The following EFHB variants were observed in gnomAD, a reference collection of about 807,000 sequenced individuals.
The protein encoded by EFHB is EF-hand domain-containing family member B.
EFHB carries 91 observed loss-of-function variants against 87.2 expected under a neutral mutation model. That is an observed-to-expected ratio of 1.04 (90% CI 0.88 to 1.24). EFHB has a LOEUF of 1.24. Among genes scored for constraint, EFHB ranks in the 50% most tolerant of loss-of-function variants. The pLI is 0.00. For missense variants in EFHB, 1,084 were observed against 998.8 expected (o/e 1.09, Z -1.15); for synonymous variants, 325 against 333.6 (o/e 0.97, Z 0.28).
chr3:19,913,463 A>G (rs905208734), intron 5 of EFHB, among the ~76,000 whole-genome samples: 1 of 152,222 alleles, frequency 6.6e-6, no homozygotes, highest in African/African-American at 2.4e-5. Context: ...ATAGCCACAC[A>G]TAAAATTAAA....
rs1694495654 is a variant in EFHB, at chr3:19,896,681, A to T, written c.1725+6T>A. 6.2e-7 allele frequency: 1 copy of T among 1,613,966 alleles called. No homozygotes were observed. Among genetic ancestry groups the T allele is most frequent in the Non-Finnish European group, 8.5e-7 (1 of 1,179,870 alleles). On this transcript the variant is annotated splice_donor_region_variant and intron_variant, in intron 9 of 12. Coordinates refer to ENST00000295824, the MANE Select transcript of EFHB (RefSeq NM_144715.4). ...CATTACCAAAAAGCTCTCCCCCATT[A>T]CTGGCCTTGTCATAGTGCCTGAAGG...
At position 19,896,812 on chromosome 3, in the gene EFHB, G is replaced by A. The variant is rs139189036; in HGVS notation, c.1600C>T (p.Pro534Ser). 452 of 1,613,724 alleles carry A rather than the reference G, an allele frequency of 2.8e-4. 2 individuals are homozygous for A. The highest frequency in any genetic ancestry group is 3.7e-4 in the Admixed American group (22 of 59,980). ...TCCTTGCCTCGAAGATATTCATCCG[G>A]AAGTCTATTATGGATGAGATCACCA... ...GVGDLIHNRL[P>S]DEYLRGKDRQ... The change falls in exon 9 of 13, where the codon CCG becomes TCG. Residue 534 changes from proline (P) to serine (S), a missense_variant. Coordinates refer to ENST00000295824, the MANE Select transcript of EFHB (RefSeq NM_144715.4).
At chr3:19,906,409 TA>T (rs763817641) in intron 5 of EFHB, among the ~76,000 whole-genome samples, 8 of 152,000 alleles carry the variant, frequency 5.3e-5, no homozygotes, top group African/African-American at 1.2e-4. Context: ...GGCATTTCTA[TA>T]AAAAATAACA....
chr3:19,910,454 C>T (rs947204427), intron 5 of EFHB, among the ~76,000 whole-genome samples: 19 of 152,038 alleles, frequency 1.2e-4, no homozygotes, highest in African/African-American at 4.1e-4. Flanking sequence ...ACCTGGTAGA[C>T]GTCTAAAATT....
intron 9 of EFHB, among the ~76,000 whole-genome samples, chr3:19,895,687 A>G (rs1310005752): frequency 1.3e-5 from 2 of 152,200 alleles, no homozygotes; most frequent in African/African-American, 2.4e-5. Flanking sequence ...AAAGGTGTGC[A>G]TAATCAATAC....
Position 19,888,511 on chromosome 3 carries a change from G to T in EFHB, c.1866C>A (p.Phe622Leu). 4 of 1,577,258 alleles carry T rather than the reference G, an allele frequency of 2.5e-6. No individual in the cohort carries two copies. The highest frequency in any genetic ancestry group is 3.4e-6 in the Non-Finnish European group (4 of 1,159,538). ...DNDGFINYLE[F>L]ANFLNWKDKM... is the part of the protein sequence containing the mutation. Reference sequence around the variant, plus strand: ...TGTCTTTCCAGTTAAGAAAATTTGCGAATTCCAGATAGTTAATGAAGCCAT... The same window carrying T: ...TGTCTTTCCAGTTAAGAAAATTTGCTAATTCCAGATAGTTAATGAAGCCAT... The change falls in exon 10 of 13, where the codon TTC (phenylalanine) becomes TTA (leucine). Residue 622 changes from phenylalanine to leucine, a missense_variant. Coordinates refer to ENST00000295824, the MANE Select transcript of EFHB (RefSeq NM_144715.4).
intron 1 of EFHB, among the ~76,000 whole-genome samples, chr3:19,929,995 C>T (rs1170075359): frequency 6.6e-6 from 1 of 152,130 alleles, no homozygotes; most frequent in Non-Finnish European, 1.5e-5. Context: ...GCTTCCATTT[C>T]TTTACCTGTA....
upstream of EFHB, chr3:19,936,456 C>T (rs1399426777): frequency 7.0e-6 from 3 of 426,598 alleles, no homozygotes; most frequent in Non-Finnish European, 8.3e-6. Flanking sequence ...CCTAGCTACT[C>T]AGGAGGCTGA....
chr3:19,942,760 A>G (rs1333585704), intron 1 of EFHB, among the ~76,000 whole-genome samples: 1 of 152,118 alleles, frequency 6.6e-6, no homozygotes, highest in Non-Finnish European at 1.5e-5. Flanking sequence ...GCAATTCACA[A>G]TAGAGTTCAC....
intron 5 of EFHB, among the ~76,000 whole-genome samples, chr3:19,912,443 C>T (rs1164582619): frequency 6.6e-6 from 1 of 151,900 alleles, no homozygotes; most frequent in Non-Finnish European, 1.5e-5. Flanking sequence ...ACCTGTCCTA[C>T]AAGAAATGCT....
At chr3:19,941,996 A>T (rs1215781096) in intron 1 of EFHB, among the ~76,000 whole-genome samples, 2 of 151,908 alleles carry the variant, frequency 1.3e-5, no homozygotes, top group Admixed American at 1.3e-4. Context: ...CTCTACTAAA[A>T]ATACAAAAAA....
chr3:19,900,193 CA>C lies in EFHB; in HGVS notation c.1419-679del, dbSNP rs368288256. ...CTTTAGGAAGCTAAAGCTGGAGGATCAATCGAGGCTAGGAATTTGAGACGAG... is the reference window on the plus strand; with the variant it reads ...CTTTAGGAAGCTAAAGCTGGAGGATCATCGAGGCTAGGAATTTGAGACGAG... On this transcript the variant is annotated intron_variant, in intron 6 of 12. Transcript: ENST00000295824. Among the ~76,000 whole-genome samples the C allele has an allele frequency of 3.4e-3, 516 of 152,212 alleles. 4 individuals are homozygous for C. Among genetic ancestry groups the C allele is most frequent in the African/African-American group, 0.012 (486 of 41,530 alleles).
upstream of EFHB, chr3:19,934,255 G>A (rs1349320802): frequency 6.4e-6 from 9 of 1,417,276 alleles, no homozygotes; most frequent in Non-Finnish European, 8.2e-6. Flanking sequence ...GCGGGGCTTG[G>A]CGCTCAAGTC....
intron 1 of EFHB, chr3:19,942,091 G>C (rs1481844352): frequency 6.6e-6 from 1 of 152,212 alleles, no homozygotes; most frequent in East Asian, 1.9e-4. Context: ...CTGGGAGGCA[G>C]AGATTGCAGT....
At chr3:19,938,111 C>T (rs1696064147), upstream of EFHB, among the ~76,000 whole-genome samples, 1 of 152,166 alleles carries the variant, frequency 6.6e-6, no homozygotes, top group African/African-American at 2.4e-5. Context: ...GAGAGGGAGC[C>T]ACCTAGGTTC....
At chr3:19,911,085 C>T (rs1454569018) in intron 5 of EFHB, among the ~76,000 whole-genome samples, 1 of 152,098 alleles carries the variant, frequency 6.6e-6, no homozygotes, top group Non-Finnish European at 1.5e-5. Context: ...AAAATATGAC[C>T]TCACTAAATA....
At chr3:19,917,024 C>T (rs914428895) in intron 4 of EFHB, among the ~76,000 whole-genome samples, 1 of 151,918 alleles carries the variant, frequency 6.6e-6, no homozygotes, top group African/African-American at 2.4e-5. Context: ...ATAAACTAAT[C>T]CTAAAATAAT....
intron 12 of EFHB, among the ~76,000 whole-genome samples, chr3:19,882,016 A>AAAATAAATAAAT (rs368695761): frequency 1.1e-4 from 15 of 141,680 alleles, no homozygotes; most frequent in Admixed American, 2.1e-4. Context: ...TTCTGAGTCA[A>AAAATAAATAAAT]AAATAAATAA....
chr3:19,902,661 C>T (rs1365347887), intron 6 of EFHB, among the ~76,000 whole-genome samples: 4 of 151,862 alleles, frequency 2.6e-5, no homozygotes, highest in Non-Finnish European at 1.5e-5. Context: ...CAATAGAGAT[C>T]CTCTTTTACA....
Sources: gnomAD v4.1 joint callset for allele counts (sites outside exome capture counted in the v4.1 genomes callset) on GRCh38, gnomAD v4.1.1 for gene constraint, MANE v1.5 for transcripts, NCBI Gene and HGNC (gene_info 2026-07-23, HGNC 2026-07-21) for gene names.